Variants in SND1 observed in about 807,000 individuals in gnomAD.
SND1 encodes staphylococcal nuclease and tudor domain containing 1, also known as staphylococcal nuclease domain-containing protein 1.
SND1 carries 38 observed loss-of-function variants against 121.7 expected under a neutral mutation model. The observed-to-expected ratio is 0.31, with a 90% CI of 0.24 to 0.41. SND1 has a LOEUF of 0.41. SND1 is among the 10% of genes least tolerant of loss of function. The probability of loss-of-function intolerance (pLI) is 1.00; values close to 1 mark genes in which losing one functional copy is unlikely to be tolerated. For synonymous variants in SND1, 401 were observed against 447.4 expected (o/e 0.90, Z 1.31); for missense variants, 868 against 1,184.6 (o/e 0.73, Z 3.92).
chr7:127,825,136 A>C (rs1484065727), intron 11 of SND1, among the ~76,000 whole-genome samples: 1 of 152,142 alleles, frequency 6.6e-6, no homozygotes, highest in East Asian at 1.9e-4. Flanking sequence ...TAAGAGACAG[A>C]GCCTTGCTCT....
At chr7:127,911,295 C>T (rs1318870110) in intron 14 of SND1, among the ~76,000 whole-genome samples, 1 of 152,172 alleles carries the variant, frequency 6.6e-6, no homozygotes, top group Non-Finnish European at 1.5e-5. Flanking sequence ...GCAGCCACCT[C>T]GTAAGTTTCT....
At chr7:127,701,704 A>G (rs1174248288) in intron 5 of SND1, among the ~76,000 whole-genome samples, 3 of 152,206 alleles carry the variant, frequency 2.0e-5, no homozygotes, top group African/African-American at 7.2e-5. Flanking sequence ...GATTGGTTCC[A>G]GGACCCTATC....
intron 16 of SND1, among the ~76,000 whole-genome samples, chr7:128,017,074 C>T (rs1803240813): frequency 1.3e-5 from 2 of 152,166 alleles, no homozygotes; most frequent in African/African-American, 4.8e-5. Flanking sequence ...ACACTACCAC[C>T]CCCACACCCC....
chr7:127,963,588 A>AT (rs1233050791), intron 15 of SND1, among the ~76,000 whole-genome samples: 2 of 49,222 alleles, frequency 4.1e-5, no homozygotes, highest in East Asian at 4.0e-4. Context: ...TGAACTCATC[A>AT]TTTTTTATGG....
chr7:127,706,252 T>TCCCCCCC (rs796132526), intron 8 of SND1, among the ~76,000 whole-genome samples: 2 of 63,030 alleles, frequency 3.2e-5, no homozygotes, highest in South Asian at 8.8e-4. Flanking sequence ...TTGCCCCCCC[T>TCCCCCCC]CCCCCCCCCC....
intron 15 of SND1, among the ~76,000 whole-genome samples, chr7:127,941,446 C>G (rs1411772424): frequency 6.6e-6 from 1 of 152,198 alleles, no homozygotes; most frequent in Non-Finnish European, 1.5e-5. Context: ...CTTACCTTTA[C>G]TATGAGTAGG....
At chr7:127,736,689 T>G (rs1049508623) in intron 10 of SND1, among the ~76,000 whole-genome samples, 1 of 152,212 alleles carries the variant, frequency 6.6e-6, no homozygotes, top group Non-Finnish European at 1.5e-5. Flanking sequence ...ACCTAATTCC[T>G]TATCTATTTG....
intron 13 of SND1, among the ~76,000 whole-genome samples, chr7:127,901,958 T>C (rs1324098587): frequency 6.6e-6 from 1 of 152,232 alleles, no homozygotes; most frequent in Non-Finnish European, 1.5e-5. Context: ...TTGTTTTAAA[T>C]GTCATATGTA....
At chr7:127,665,353 A>AT (rs1048886246) in intron 1 of SND1, among the ~76,000 whole-genome samples, 13 of 151,834 alleles carry the variant, frequency 8.6e-5, no homozygotes, top group African/African-American at 1.7e-4. Flanking sequence ...CGCCCGGCCA[A>AT]TTTTTTTGTA....
At chr7:127,997,673 C>A (rs1584725962) in intron 16 of SND1, 1 of 523,230 alleles carries the variant, frequency 1.9e-6, no homozygotes, top group South Asian at 1.4e-5. Flanking sequence ...TACATATATT[C>A]TTGATAACCT....
intron 15 of SND1, among the ~76,000 whole-genome samples, chr7:127,957,034 C>T (rs1276609923): frequency 2.6e-5 from 4 of 152,150 alleles, no homozygotes; most frequent in Admixed American, 1.3e-4. Flanking sequence ...TATTGAGAGG[C>T]CGTCTGAGAA....
In SND1 at chr7:127,986,550, T is replaced by C. The variant is rs150268910; in HGVS notation, c.1670-4397T>C. Among the ~76,000 whole-genome samples the C allele has an allele frequency of 4.9e-3, 746 of 152,380 alleles. 2 individuals carry two copies. The highest frequency in any genetic ancestry group is 7.7e-3 in the Non-Finnish European group (527 of 68,036). Reference sequence around the variant, plus strand: ...CAATGAATTTTCTCTTCCTAAACTATACAGAGTCAGGCAGAAACCTCTTTT... The same window carrying C: ...CAATGAATTTTCTCTTCCTAAACTACACAGAGTCAGGCAGAAACCTCTTTT... On this transcript the variant is annotated intron_variant, in intron 15 of 23. Coordinates refer to ENST00000354725, the MANE Select transcript of SND1 (RefSeq NM_014390.4).
At chr7:127,724,386 G>T (rs1796548783) in intron 10 of SND1, among the ~76,000 whole-genome samples, 1 of 152,310 alleles carries the variant, frequency 6.6e-6, no homozygotes. Context: ...GAGTTTTGGG[G>T]ACTAGAGAAT....
At position 128,085,524 on chromosome 7, in the gene SND1, C is replaced by CTG. The variant is rs1476364121; in HGVS notation, c.2235-186_2235-185dup. Among the ~76,000 whole-genome samples, 14 of 152,206 alleles carry CTG rather than the reference C, an allele frequency of 9.2e-5. No homozygotes were observed. Among genetic ancestry groups the CTG allele is most frequent in the African/African-American group, 2.7e-4 (11 of 41,446 alleles). On this transcript the variant is annotated intron_variant, in intron 19 of 23. Transcript: ENST00000354725. This position sits in a 1 kb window ranked among gnomAD's most constrained non-coding sequence, Gnocchi z 4.4. ...TCCCTCTTCTGCTCCCAGCTATGCT[C>CTG]TGATTCCATTAGGTGGTGACCACAG...
chr7:127,912,898 T>A (rs1454930792), intron 14 of SND1, among the ~76,000 whole-genome samples: 1 of 152,232 alleles, frequency 6.6e-6, no homozygotes, highest in Non-Finnish European at 1.5e-5. Flanking sequence ...AAGAAAAATT[T>A]AGAAAGTGAA....
chr7:127,760,104 TG>T (rs1345518627), intron 10 of SND1, among the ~76,000 whole-genome samples: 1 of 152,216 alleles, frequency 6.6e-6, no homozygotes, highest in African/African-American at 2.4e-5. Flanking sequence ...TCAGTCCACT[TG>T]GGCTCTGGCA....
chr7:127,833,230 T>C (rs1435556005), intron 11 of SND1, among the ~76,000 whole-genome samples: 2 of 151,464 alleles, frequency 1.3e-5, no homozygotes, highest in Non-Finnish European at 2.9e-5. Context: ...AAACCATCCG[T>C]ATATTTTCTT....
At chr7:127,934,223 G>A (rs1011478784) in intron 15 of SND1, among the ~76,000 whole-genome samples, 1 of 152,204 alleles carries the variant, frequency 6.6e-6, no homozygotes, top group Non-Finnish European at 1.5e-5. Context: ...ACAGCAGCGT[G>A]TGCAGAGTTG....
At chr7:127,858,894 G>T (rs756898468) in intron 12 of SND1, among the ~76,000 whole-genome samples, 12 of 152,182 alleles carry the variant, frequency 7.9e-5, no homozygotes, top group Non-Finnish European at 1.3e-4. Context: ...AATGATGGTC[G>T]TCTAGAATCT....
Sources: gnomAD v4.1 joint callset for allele counts (sites outside exome capture counted in the v4.1 genomes callset) on GRCh38, gnomAD v4.1.1 for gene constraint, Gnocchi (gnomAD v3.1) non-coding constraint, MANE v1.5 for transcripts, NCBI Gene and HGNC (gene_info 2026-07-23, HGNC 2026-07-21) for gene names.